Variants in SV2C observed in about 807,000 individuals in gnomAD.
SV2C encodes the protein synaptic vesicle glycoprotein 2C, also known as solute carrier family 22 member B3.
In SV2C, 49 loss-of-function variants were observed where a neutral mutation model predicts 79.7. The ratio of observed to expected loss-of-function variants is 0.61; its 90% confidence interval spans 0.49 to 0.78. SV2C has a LOEUF of 0.78. Among genes scored for constraint, SV2C ranks in the 30% least tolerant of loss-of-function variants. The pLI is 0.00. For missense variants in SV2C, 833 were observed against 912.9 expected, an observed-to-expected ratio of 0.91 and a Z score of 1.13; for synonymous variants, 334 against 333.2, an observed-to-expected ratio of 1.00 and a Z score of -0.03.
chr5:76,341,569 T>C (rs1235418849), intron 12 of SV2C, among the ~76,000 whole-genome samples: 2 of 152,182 alleles, frequency 1.3e-5, no homozygotes, highest in Non-Finnish European at 2.9e-5. Context: ...TTAGCAGTGA[T>C]GTGATGCATT....
At chr5:76,238,745 T>G (rs1532699) in intron 4 of SV2C, among the ~76,000 whole-genome samples, 65,127 of 152,000 alleles carry the variant, frequency 0.43, 14,794 homozygotes, top group African/African-American at 0.58. Context: ...TCATTTTCCA[T>G]ATTGGAGGAG....
At chr5:76,178,923 T>G (rs1399154742) in intron 2 of SV2C, among the ~76,000 whole-genome samples, 1 of 152,226 alleles carries the variant, frequency 6.6e-6, no homozygotes, top group African/African-American at 2.4e-5. Flanking sequence ...CAGTTTGAGT[T>G]CAACCTTCTA....
intron 1 of SV2C, among the ~76,000 whole-genome samples, chr5:76,100,894 G>A (rs763949678): frequency 4.6e-5 from 7 of 152,228 alleles, no homozygotes; most frequent in Non-Finnish European, 8.8e-5. Context: ...GTAGATGACA[G>A]TAGCATTTTC....
chr5:76,033,719 T>C, the SV2C span, among the ~76,000 whole-genome samples: 1 of 152,238 alleles, frequency 6.6e-6, no homozygotes, highest in African/African-American at 2.4e-5. Flanking sequence ...CAGGATTGAC[T>C]TGGCAATGAG....
the SV2C span, among the ~76,000 whole-genome samples, chr5:75,970,125 C>T: frequency 0.01 from 1,576 of 151,964 alleles, 34 homozygotes; most frequent in African/African-American, 0.033. Context: ...TTGAAACCAA[C>T]GAGAACAAAG....
chr5:76,151,652 C>G (rs1453185917), intron 2 of SV2C, among the ~76,000 whole-genome samples: 1 of 152,156 alleles, frequency 6.6e-6, no homozygotes, highest in Non-Finnish European at 1.5e-5. Flanking sequence ...ACCTCCAGAC[C>G]AGGCGTTATG....
chr5:75,941,382 T>C, the SV2C span, among the ~76,000 whole-genome samples: 1 of 152,216 alleles, frequency 6.6e-6, no homozygotes, highest in Non-Finnish European at 1.5e-5. Flanking sequence ...ACATCTTCTA[T>C]AGCCAATATC....
At chr5:76,155,088 C>G (rs1383322009) in intron 2 of SV2C, among the ~76,000 whole-genome samples, 1 of 152,156 alleles carries the variant, frequency 6.6e-6, no homozygotes, top group African/African-American at 2.4e-5. Context: ...AGGACTCTAC[C>G]TAAGATAAAG....
chr5:76,253,204 C>T (rs1746164119), intron 4 of SV2C, among the ~76,000 whole-genome samples: 1 of 152,098 alleles, frequency 6.6e-6, no homozygotes, highest in Non-Finnish European at 1.5e-5. Flanking sequence ...GAATTCTGTG[C>T]AGATAGTGGA....
At chr5:76,011,727 G>A in the SV2C span, among the ~76,000 whole-genome samples, 110 of 151,862 alleles carry the variant, frequency 7.2e-4, no homozygotes, top group Middle Eastern at 6.8e-3. Context: ...CGTCATCTAC[G>A]CTAGGTATTT....
At chr5:76,022,714 G>A in the SV2C span, among the ~76,000 whole-genome samples, 3 of 152,266 alleles carry the variant, frequency 2.0e-5, no homozygotes, top group African/African-American at 4.8e-5. Context: ...TAATTTGGTC[G>A]ATAGACATGT....
At chr5:76,062,729 T>A in the SV2C span, among the ~76,000 whole-genome samples, 1 of 152,072 alleles carries the variant, frequency 6.6e-6, no homozygotes, top group Non-Finnish European at 1.5e-5. Context: ...TAAGAAAGGC[T>A]CTTTATTGTA....
intron 3 of SV2C, among the ~76,000 whole-genome samples, chr5:76,208,797 T>C (rs944561547): frequency 6.6e-6 from 1 of 152,360 alleles, no homozygotes; most frequent in Admixed American, 6.5e-5. Flanking sequence ...TTTAAACAAA[T>C]ACTTTAAAAT....
chr5:76,335,803 A>C (rs1327315447), downstream of SV2C, among the ~76,000 whole-genome samples: 1 of 152,160 alleles, frequency 6.6e-6, no homozygotes, highest in African/African-American at 2.4e-5. Flanking sequence ...CAAAATGAAA[A>C]GTCTCCCGTG....
chr5:75,853,994 C>CA, the SV2C span, among the ~76,000 whole-genome samples: 2,113 of 121,576 alleles, frequency 0.017, 28 homozygotes, highest in East Asian at 0.049. Flanking sequence ...CATCTATCAC[C>CA]AAAAAAAAAA....
chr5:75,957,687 C>T, the SV2C span, among the ~76,000 whole-genome samples: 4 of 152,016 alleles, frequency 2.6e-5, no homozygotes, highest in Non-Finnish European at 4.4e-5. Context: ...TTGCATATGG[C>T]AAGTACACTG....
intron 2 of SV2C, among the ~76,000 whole-genome samples, chr5:76,190,008 A>C (rs576193159): frequency 1.3e-5 from 2 of 152,340 alleles, no homozygotes; most frequent in African/African-American, 2.4e-5. Context: ...AGTTGGGTAC[A>C]AACATAGGTA....
intron 2 of SV2C, among the ~76,000 whole-genome samples, chr5:76,163,483 T>C (rs1018780709): frequency 1.1e-4 from 17 of 152,234 alleles, no homozygotes; most frequent in African/African-American, 4.1e-4. Flanking sequence ...ATTTTTCCCA[T>C]GAACCAGAGC....
chr5:76,291,829 C>G lies in SV2C; in HGVS notation c.1310C>G (p.Thr437Arg). 6.2e-7 allele frequency: 1 copy of G among 1,609,982 alleles called. No homozygotes were observed. The highest frequency in any genetic ancestry group is 1.1e-5 in the South Asian group (1 of 90,328). Residue 437 changes from threonine to arginine, a missense_variant, in exon 8 of 13, where the codon ACA (threonine) becomes AGA (arginine). By Grantham distance (71) the Thr-to-Arg change is moderately conservative. Transcript: ENST00000502798. ...YPVRDNTIKLTIVWFTLSFGY... is the reference protein window; with the variant it reads ...YPVRDNTIKLRIVWFTLSFGY... The stretch of plus-strand genomic sequence containing the variant: ...GTCAGGGATAATACAATAAAGCTTA[C>G]AATTGTTTGGTTCACCCTGTCCTTT...
Sources: allele counts gnomAD v4.1 joint callset (sites outside exome capture counted in the v4.1 genomes callset), GRCh38; gene constraint gnomAD v4.1.1; transcripts MANE v1.5; gene names NCBI Gene and HGNC (gene_info 2026-07-23, HGNC 2026-07-21).